SYNRG: variants seen among roughly 807,000 people sequenced by gnomAD.
The protein encoded by SYNRG is AP1 gamma subunit binding protein 1.
Under a neutral mutation model 130.9 loss-of-function variants are expected in SYNRG, and 37 were observed. That is an observed-to-expected ratio of 0.28 (90% CI 0.22 to 0.37). The LOEUF (loss-of-function observed/expected upper bound fraction) is 0.37, where lower values mean the gene tolerates loss of function less well. Ranked by LOEUF, SYNRG falls within the 10% of genes least tolerant of loss-of-function variation. The pLI, the probability that SYNRG is intolerant of heterozygous loss-of-function variation, is 1.00. For missense variants in SYNRG, 1,338 were observed against 1,588.9 expected (o/e 0.84, Z 2.68); for synonymous variants, 539 against 568.1 (o/e 0.95, Z 0.73).
chr17:37,609,125 C>T (rs1050488664), intron 1 of SYNRG, among the ~76,000 whole-genome samples, 154 bp downstream of exon 1: 2 of 152,182 alleles, frequency 1.3e-5, no homozygotes, highest in Admixed American at 6.5e-5. Context: ...GCTCCACACG[C>T]CCCTTTCGGC....
At chr17:37,588,447 G>T (rs1402381991) in intron 3 of SYNRG, among the ~76,000 whole-genome samples, 1 of 152,022 alleles carries the variant, frequency 6.6e-6, no homozygotes, top group Non-Finnish European at 1.5e-5. Context: ...ATTTTCAGTA[G>T]AGATGGGGTT....
chr17:37,543,244 T>C (rs1177047205), intron 14 of SYNRG, among the ~76,000 whole-genome samples: 1 of 152,034 alleles, frequency 6.6e-6, no homozygotes, highest in African/African-American at 2.4e-5. Flanking sequence ...CTTTAGCCCT[T>C]AAAAAAATAC....
chr17:37,576,468 C>A, intron 7 of SYNRG, 50 bp from the exon 8 acceptor site: 1 of 1,522,652 alleles, frequency 6.6e-7, no homozygotes. Context: ...GAGAAGATGG[C>A]GAAATCACAC....
At chr17:37,587,363 A>C (rs1473423051) in intron 3 of SYNRG, among the ~76,000 whole-genome samples, 1 of 152,152 alleles carries the variant, frequency 6.6e-6, no homozygotes, top group East Asian at 1.9e-4. Context: ...TAAATGGCTA[A>C]TTTTTAATGA....
chr17:37,541,992 G>A lies in SYNRG; in HGVS notation c.3182C>T (p.Thr1061Ile). 1 of 1,613,940 alleles carries A rather than the reference G, an allele frequency of 6.2e-7. No homozygotes were observed. Among genetic ancestry groups the A allele is most frequent in the Non-Finnish European group, 8.5e-7 (1 of 1,179,834 alleles). ...CTCACCTTGAACAGAAAGGTCAAAG[G>A]TTGCCAGCTCACTTTTGATCATTTC... ...SEEMIKSELA[T>I]FDLSVQGSHK... is the part of the protein sequence containing the mutation. Residue 1061 changes from threonine to isoleucine, a missense_variant, in exon 15 of 22, where the codon ACC (threonine) becomes ATC (isoleucine). Physicochemically the swap from Thr to Ile is moderately conservative, Grantham distance 89. Coordinates refer to ENST00000612223, the MANE Select transcript of SYNRG (RefSeq NM_007247.6).
At chr17:37,601,115 T>C (rs1003069130) in intron 1 of SYNRG, 4 of 152,728 alleles carry the variant, frequency 2.6e-5, no homozygotes, top group Non-Finnish European at 4.4e-5. Flanking sequence ...TTGCCCAGGC[T>C]TGAGTGCAAT....
Position 37,570,871 on chromosome 17 carries a change from T to C in SYNRG, c.1113A>G (p.Ala371=). 3 of 1,613,796 alleles carry C rather than the reference T, an allele frequency of 1.9e-6. No homozygotes were observed. The highest frequency in any genetic ancestry group is 2.5e-6 in the Non-Finnish European group (3 of 1,179,900). ...ACTGGTTTAAAGCATCAGGACTCAT[T>C]GCAGGAACGCCCCTCTACAAATGAT... is the stretch of plus-strand genomic sequence containing the variant. The part of the protein sequence containing the change: ...MIAVTQRGVP[A]MSPDALNQFP... The change falls in exon 10 of 22, where the codon GCA becomes GCG. Residue 371 remains alanine (A), a synonymous_variant. Transcript: ENST00000612223.
chr17:37,539,683 T>C (rs979895262), intron 16 of SYNRG, among the ~76,000 whole-genome samples: 3 of 152,218 alleles, frequency 2.0e-5, no homozygotes, highest in African/African-American at 7.2e-5. Flanking sequence ...AGTTTATCTT[T>C]TTGAACTCAC....
rs760362075 is a variant in SYNRG, at chr17:37,518,905, GA to G, written c.*34del. The G allele has an allele frequency of 2.9e-4, 418 of 1,461,268 alleles. No homozygotes were observed. Among genetic ancestry groups the G allele is most frequent in the Admixed American group, 1.3e-3 (68 of 54,038 alleles). 90.5% of individuals were successfully genotyped at this position (1,461,268 alleles called of 1,614,324 possible). The stretch of plus-strand genomic sequence containing the variant: ...CCCTGTCACCCCGTGGGGTGTCACA[GA>G]AAAAAAAAAGTCAATGCTTCACAGA... On this transcript the variant is annotated 3_prime_UTR_variant, in exon 22 of 22. Transcript: ENST00000612223.
Position 37,518,075 on chromosome 17 carries a change from T to C in SYNRG, c.*865A>G, listed in dbSNP as rs2054563328. On this transcript the variant is annotated 3_prime_UTR_variant, in exon 22 of 22. Coordinates refer to ENST00000612223, the MANE Select transcript of SYNRG (RefSeq NM_007247.6). ...ACAGATACTGCAAAGTCAGGCAGTG[T>C]TGGTCCCTATGCAGTCATCTTTGGA... 6.6e-6 allele frequency: 1 copy of C among 152,240 alleles called. No individual in the cohort carries two copies. The allele number at this position is 152,240 out of a possible 1,614,324, so 9.4% of individuals were successfully genotyped here. A position where few individuals can be genotyped will look rare whatever the true frequency, so the allele number is the denominator to read the frequency against.
intron 3 of SYNRG, 38 bp downstream of exon 3, chr17:37,596,185 C>G: frequency 6.2e-7 from 1 of 1,607,032 alleles, no homozygotes; most frequent in Non-Finnish European, 8.5e-7. Flanking sequence ...TAACAACAAA[C>G]AATAACTTTG....
chr17:37,573,263 C>T (rs1027085633), intron 8 of SYNRG, among the ~76,000 whole-genome samples: 2 of 151,914 alleles, frequency 1.3e-5, no homozygotes, highest in Admixed American at 1.3e-4. Context: ...ATTAGCCAGG[C>T]GTGGTGGTGC....
At chr17:37,564,898 A>G (rs889404781) in intron 11 of SYNRG, among the ~76,000 whole-genome samples, 3 of 152,244 alleles carry the variant, frequency 2.0e-5, no homozygotes, top group Non-Finnish European at 4.4e-5. Flanking sequence ...TGTCTGGCAT[A>G]TAGCAAATGC....
intron 1 of SYNRG, among the ~76,000 whole-genome samples, chr17:37,601,320 C>T (rs1347320049): frequency 3.9e-5 from 6 of 152,102 alleles, no homozygotes; most frequent in South Asian, 2.1e-4. Context: ...CCACCCGCCT[C>T]GGCCTCCCAA....
At chr17:37,565,161 G>A (rs943647365) in intron 11 of SYNRG, among the ~76,000 whole-genome samples, 20 of 152,102 alleles carry the variant, frequency 1.3e-4, no homozygotes, top group Non-Finnish European at 2.8e-4. Context: ...CTACTAGGGA[G>A]GCTGAGGCAG....
intron 14 of SYNRG, among the ~76,000 whole-genome samples, chr17:37,546,693 T>C (rs1044818096): frequency 6.6e-6 from 1 of 152,182 alleles, no homozygotes; most frequent in Non-Finnish European, 1.5e-5. Flanking sequence ...CTGTTAAGTA[T>C]ATGCCCAGGT....
intron 13 of SYNRG, among the ~76,000 whole-genome samples, chr17:37,558,586 T>C (rs1337905541): frequency 6.6e-6 from 1 of 152,240 alleles, no homozygotes; most frequent in Non-Finnish European, 1.5e-5. Flanking sequence ...TAAGTCTTAC[T>C]ATCGGAGATG....
chr17:37,579,472 G>A (rs1318822433), intron 6 of SYNRG: 2 of 1,286,078 alleles, frequency 1.6e-6, no homozygotes, highest in Admixed American at 4.7e-5. Flanking sequence ...ACACAAAAAT[G>A]GAAACCAACA....
At chr17:37,519,516 T>G (rs976316585) in intron 21 of SYNRG, among the ~76,000 whole-genome samples, 1 of 151,540 alleles carries the variant, frequency 6.6e-6, no homozygotes, top group Admixed American at 6.6e-5. Flanking sequence ...TACAAGAGAG[T>G]TAGAGAACGA....
Sources: gnomAD v4.1 joint callset for allele counts (sites outside exome capture counted in the v4.1 genomes callset) on GRCh38, gnomAD v4.1.1 for gene constraint, MANE v1.5 for transcripts, NCBI Gene and HGNC (gene_info 2026-07-23, HGNC 2026-07-21) for gene names.